The following GAS2L3 variants were observed in gnomAD, a reference collection of about 807,000 sequenced individuals.
GAS2L3 encodes growth arrest specific 2 like 3.
GAS2L3 carries 28 observed loss-of-function variants against 37.0 expected under a neutral mutation model. The ratio of observed to expected loss-of-function variants is 0.76; its 90% confidence interval spans 0.56 to 1.04. GAS2L3 has a LOEUF of 1.04. Among genes scored for constraint, GAS2L3 ranks in the 50% least tolerant of loss-of-function variants. The pLI is 0.00. For missense variants in GAS2L3, 793 were observed against 817.6 expected, an observed-to-expected ratio of 0.97 and a Z score of 0.37; for synonymous variants, 290 against 296.6, an observed-to-expected ratio of 0.98 and a Z score of 0.23.
chr12:100,624,133 A>G lies in GAS2L3; in HGVS notation c.1328A>G (p.Lys443Arg). 6.2e-7 allele frequency: 1 copy of G among 1,613,912 alleles called. No homozygotes were observed. The highest frequency in any genetic ancestry group is 8.5e-7 in the Non-Finnish European group (1 of 1,179,962). Residue 443 changes from lysine to arginine, a missense_variant, in exon 10 of 10, where the codon AAG becomes AGG. Physicochemically the swap from Lys to Arg is conservative, Grantham distance 26. Coordinates refer to ENST00000547754, the MANE Select transcript of GAS2L3 (RefSeq NM_174942.3). ...TGTATTTCATCCCCCAATACCCCCA[A>G]GGCCAAGGTTATTCCAGCCCAGAAT... ...RKCISSPNTP[K>R]AKVIPAQNSA...
At chr12:100,583,002 C>G (rs1005504014) in intron 1 of GAS2L3, among the ~76,000 whole-genome samples, 1 of 152,246 alleles carries the variant, frequency 6.6e-6, no homozygotes, top group Non-Finnish European at 1.5e-5. Flanking sequence ...ACATCACCTT[C>G]GGTGACTCTG....
chr12:100,623,615 T>G lies in GAS2L3; in HGVS notation c.810T>G (p.Leu270=). Residue 270 remains leucine, a synonymous_variant, in exon 10 of 10, where the codon CTT becomes CTG. Transcript: ENST00000547754. Reference sequence around the variant, plus strand: ...GCGTTGGTGGAGGCTGGGATACTCTTCAAGGATTTTTGCTTAAATATGACC... The same window carrying G: ...GCGTTGGTGGAGGCTGGGATACTCTGCAAGGATTTTTGCTTAAATATGACC... ...MVRVGGGWDT[L]QGFLLKYDPC... 6.2e-7 allele frequency: 1 copy of G among 1,613,294 alleles called. No individual in the cohort carries two copies. The highest frequency in any genetic ancestry group is 8.5e-7 in the Non-Finnish European group (1 of 1,179,676).
rs747304351 is a variant in GAS2L3, at chr12:100,624,263, A to G, written c.1458A>G (p.Val486=). 5 of 1,614,006 alleles carry G rather than the reference A, an allele frequency of 3.1e-6. No individual in the cohort carries two copies. The African/African-American group carries it at 4.0e-5, about 13-fold the overall frequency. The change falls in exon 10 of 10, where the codon GTA becomes GTG. Residue 486 remains valine (V), a synonymous_variant. Coordinates refer to ENST00000547754, the MANE Select transcript of GAS2L3 (RefSeq NM_174942.3). ...HNHISSRDNA[V]SHLAAHSNSS... ...ATATTTCTTCCAGAGATAATGCAGTATCTCACTTAGCTGCACATTCAAATT... is the reference window on the plus strand; with the variant it reads ...ATATTTCTTCCAGAGATAATGCAGTGTCTCACTTAGCTGCACATTCAAATT...
chr12:100,582,216 G>A (rs996906382), intron 1 of GAS2L3, among the ~76,000 whole-genome samples: 24 of 152,248 alleles, frequency 1.6e-4, no homozygotes, highest in South Asian at 6.2e-4. Context: ...CGGGGCAGGG[G>A]CCGGAGTTAC....
chr12:100,608,595 C>T (rs955859916), intron 5 of GAS2L3, among the ~76,000 whole-genome samples: 3 of 152,088 alleles, frequency 2.0e-5, no homozygotes, highest in Admixed American at 2.0e-4. Flanking sequence ...AATCTCAGCT[C>T]ACTGCAAGCT....
At chr12:100,599,836 A>G (rs1955962829) in intron 3 of GAS2L3, among the ~76,000 whole-genome samples, 1 of 152,186 alleles carries the variant, frequency 6.6e-6, no homozygotes, top group South Asian at 2.1e-4. Flanking sequence ...GTGAAGGAAA[A>G]ATATTATTTG....
chr12:100,581,682 C>T (rs1955714435), intron 1 of GAS2L3, among the ~76,000 whole-genome samples: 1 of 152,188 alleles, frequency 6.6e-6, no homozygotes, highest in Non-Finnish European at 1.5e-5. Context: ...ATGGACTGAT[C>T]TAAACCATTC....
At chr12:100,584,263 C>G (rs1955750118) in intron 1 of GAS2L3, among the ~76,000 whole-genome samples, 1 of 152,008 alleles carries the variant, frequency 6.6e-6, no homozygotes, top group Non-Finnish European at 1.5e-5. Flanking sequence ...TTAATTCAGG[C>G]CAATCAGGAA....
In GAS2L3 at chr12:100,624,320, A is replaced by G. The variant is rs1565816210; in HGVS notation, c.1515A>G (p.Ala505=). 3.7e-6 allele frequency: 6 copies of G among 1,614,110 alleles called. No individual in the cohort carries two copies. The highest frequency in any genetic ancestry group is 1.1e-5 in the South Asian group (1 of 91,078). The change falls in exon 10 of 10, where the codon GCA becomes GCG. Residue 505 remains alanine (A), a synonymous_variant. Transcript: ENST00000547754. The part of the protein sequence containing the change: ...SSSKCPKLPK[A]NIPVRPKPSF... ...CAAAATGTCCCAAGCTGCCTAAAGC[A>G]AATATACCTGTAAGACCTAAACCTT...
intron 5 of GAS2L3, among the ~76,000 whole-genome samples, chr12:100,601,971 G>C (rs1266463065): frequency 2.6e-5 from 4 of 152,132 alleles, no homozygotes; most frequent in Non-Finnish European, 5.9e-5. Flanking sequence ...CTGGAAAAAT[G>C]TTCTCTTTCA....
chr12:100,617,076 A>T (rs1956196592), intron 6 of GAS2L3, among the ~76,000 whole-genome samples: 2 of 149,262 alleles, frequency 1.3e-5, no homozygotes, highest in African/African-American at 5.0e-5. Flanking sequence ...GTCTCTTGAG[A>T]TAATTGGGTT....
intron 8 of GAS2L3, among the ~76,000 whole-genome samples, chr12:100,619,323 G>A (rs1171588850): frequency 6.6e-6 from 1 of 151,866 alleles, no homozygotes; most frequent in African/African-American, 2.4e-5. Context: ...GCTCTTCCTT[G>A]GGTTGTGGGT....
chr12:100,623,482 A>C, intron 9 of GAS2L3, 80 bp from the exon 10 acceptor site: 1 of 1,279,182 alleles, frequency 7.8e-7, no homozygotes, highest in Non-Finnish European at 1.1e-6. Flanking sequence ...CACAGACATC[A>C]CATATTGTAA....
chr12:100,579,282 G>T (rs562260614), intron 1 of GAS2L3: 1 of 617,686 alleles, frequency 1.6e-6, no homozygotes, highest in Non-Finnish European at 3.0e-6. Context: ...GACACAAGCC[G>T]TATCATTTGC....
chr12:100,588,087 A>G (rs909272401), intron 1 of GAS2L3, among the ~76,000 whole-genome samples: 6 of 152,154 alleles, frequency 3.9e-5, no homozygotes, highest in Non-Finnish European at 7.3e-5. Context: ...AGGGCATCCA[A>G]ATCGGTAAAG....
In GAS2L3 at chr12:100,625,502, TC is replaced by T. The variant is rs1956323427; in HGVS notation, c.*613del. ...TCCAAATTGGAAGGAACTGATTGTTTCATGTGGCTTATATTTACATTGGTAA... is the reference window on the plus strand; with the variant it reads ...TCCAAATTGGAAGGAACTGATTGTTTATGTGGCTTATATTTACATTGGTAA... On this transcript the variant is annotated 3_prime_UTR_variant, in exon 10 of 10. Transcript: ENST00000547754. The T allele has an allele frequency of 6.6e-6, 1 of 151,744 alleles. No homozygotes were observed. Among genetic ancestry groups the T allele is most frequent in the African/African-American group, 2.4e-5 (1 of 41,002 alleles). The allele number at this position is 151,744 out of a possible 1,614,324, so 9.4% of individuals were successfully genotyped here. A position where few individuals can be genotyped will look rare whatever the true frequency, so the allele number is the denominator to read the frequency against.
intron 1 of GAS2L3, among the ~76,000 whole-genome samples, chr12:100,588,887 G>A (rs563012059): frequency 5.0e-4 from 76 of 152,120 alleles, no homozygotes; most frequent in African/African-American, 1.7e-3. Context: ...CTGACCCCAC[G>A]GGCAGTCAGA....
In GAS2L3 at chr12:100,624,355, C is replaced by A. The variant is rs1246974500; in HGVS notation, c.1550C>A (p.Ser517Tyr). The A allele has an allele frequency of 1.9e-6, 3 of 1,613,948 alleles. No individual in the cohort carries two copies. Among genetic ancestry groups the A allele is most frequent in the Non-Finnish European group, 8.5e-7 (1 of 1,179,998 alleles). ...IPVRPKPSFQ[S>Y]SAKMTKTSSK... ...GTAAGACCTAAACCTTCTTTCCAGT[C>A]CTCTGCAAAAATGACAAAAACCAGT... is the stretch of plus-strand genomic sequence containing the variant. Residue 517 changes from serine (S) to tyrosine (Y), a missense_variant, in exon 10 of 10, where the codon TCC becomes TAC. Physicochemically the swap from Ser to Tyr is moderately radical, Grantham distance 144. Transcript: ENST00000547754.
chr12:100,610,036 C>G (rs1369329484), intron 5 of GAS2L3, among the ~76,000 whole-genome samples: 1 of 152,112 alleles, frequency 6.6e-6, no homozygotes, highest in African/African-American at 2.4e-5. Flanking sequence ...TGTAATGGTG[C>G]TTTTTGTGTG....
Sources: allele counts gnomAD v4.1 joint callset (sites outside exome capture counted in the v4.1 genomes callset), GRCh38; gene constraint gnomAD v4.1.1; transcripts MANE v1.5; gene names NCBI Gene and HGNC (gene_info 2026-07-23, HGNC 2026-07-21).